Variants in ADGRB3 observed in about 807,000 individuals in gnomAD.
ADGRB3 encodes the protein adhesion G protein-coupled receptor B3, also known as brain-specific angiogenesis inhibitor 3.
ADGRB3 carries 37 observed loss-of-function variants against 193.4 expected under a neutral mutation model. The observed-to-expected ratio is 0.19, with a 90% CI of 0.15 to 0.25. The LOEUF (loss-of-function observed/expected upper bound fraction) is 0.25, where lower values mean the gene tolerates loss of function less well. Ranked by LOEUF, ADGRB3 falls within the 10% of genes least tolerant of loss-of-function variation. The pLI is 1.00. For missense variants in ADGRB3, 1,637 were observed against 1,852.9 expected (o/e 0.88, Z 2.14); for synonymous variants, 690 against 644.2 (o/e 1.07, Z -1.08).
At chr6:68,876,033 T>C (rs1279828367) in intron 3 of ADGRB3, among the ~76,000 whole-genome samples, 1 of 152,022 alleles carries the variant, frequency 6.6e-6, no homozygotes, top group Non-Finnish European at 1.5e-5. Context: ...ATTTTTATTA[T>C]AAAACATTTA....
intron 3 of ADGRB3, among the ~76,000 whole-genome samples, chr6:68,799,869 G>A (rs930906619): frequency 1.3e-5 from 2 of 152,218 alleles, no homozygotes; most frequent in Non-Finnish European, 2.9e-5. Context: ...AAGGGCCAAA[G>A]TGTGAAAATA....
chr6:69,089,820 A>G (rs984779246), intron 17 of ADGRB3, among the ~76,000 whole-genome samples: 1 of 152,158 alleles, frequency 6.6e-6, no homozygotes, highest in Admixed American at 6.6e-5. Context: ...CACCCACTGG[A>G]TGCCAGTAAC....
chr6:69,057,624 A>ATAAAATGGTTC (rs1195867666), intron 15 of ADGRB3, among the ~76,000 whole-genome samples: 70 of 152,090 alleles, frequency 4.6e-4, no homozygotes, highest in African/African-American at 1.7e-3. Context: ...CTGGTTCATT[A>ATAAAATGGTTC]AGCGATTTTA....
chr6:69,333,785 C>T (rs1768777618), intron 24 of ADGRB3, among the ~76,000 whole-genome samples: 1 of 150,714 alleles, frequency 6.6e-6, no homozygotes, highest in African/African-American at 2.4e-5. Context: ...AAAAAATTAG[C>T]CGGGCGAGGT....
chr6:69,315,641 C>A (rs1467434539), intron 20 of ADGRB3, among the ~76,000 whole-genome samples: 9 of 151,350 alleles, frequency 5.9e-5, no homozygotes, highest in Admixed American at 5.9e-4. Flanking sequence ...ACCAAAATTT[C>A]TTTCCATAGC....
chr6:68,967,240 T>G (rs1387109003), intron 8 of ADGRB3, among the ~76,000 whole-genome samples: 4 of 152,332 alleles, frequency 2.6e-5, no homozygotes, highest in Admixed American at 6.5e-5. Flanking sequence ...ATCTCTAGGT[T>G]TAAAAAATTA....
chr6:68,810,092 A>G (rs1038687275), intron 3 of ADGRB3, among the ~76,000 whole-genome samples: 14 of 151,986 alleles, frequency 9.2e-5, no homozygotes, highest in African/African-American at 3.4e-4. Context: ...CACTGATTTC[A>G]TTTTCTTACT....
At chr6:68,943,094 A>G (rs950212131) in intron 5 of ADGRB3, among the ~76,000 whole-genome samples, 4 of 152,178 alleles carry the variant, frequency 2.6e-5, no homozygotes, top group African/African-American at 9.7e-5. Context: ...ATTTATATAA[A>G]TTAGTTAAAT....
chr6:68,825,139 G>C (rs1767818937), intron 3 of ADGRB3, among the ~76,000 whole-genome samples: 1 of 152,056 alleles, frequency 6.6e-6, no homozygotes, highest in Non-Finnish European at 1.5e-5. Flanking sequence ...TTACAGACTT[G>C]AGCCACTGTG....
intron 3 of ADGRB3, among the ~76,000 whole-genome samples, chr6:68,710,908 C>A (rs1408350112): frequency 6.6e-6 from 1 of 152,060 alleles, no homozygotes; most frequent in Non-Finnish European, 1.5e-5. Flanking sequence ...CTTTCTGGGA[C>A]CCCTTTTATT....
At chr6:69,004,148 A>G (rs1180773314) in intron 11 of ADGRB3, among the ~76,000 whole-genome samples, 1 of 152,126 alleles carries the variant, frequency 6.6e-6, no homozygotes, top group Non-Finnish European at 1.5e-5. Context: ...AAAAGTTTTT[A>G]TTGAAGAATG....
At chr6:68,876,734 G>T (rs190995560) in intron 3 of ADGRB3, among the ~76,000 whole-genome samples, 3 of 152,218 alleles carry the variant, frequency 2.0e-5, no homozygotes, top group Non-Finnish European at 4.4e-5. Context: ...TTACATTTAT[G>T]TATTGTCTTT....
chr6:68,923,969 TTATAG>T (rs1281834316), intron 3 of ADGRB3, among the ~76,000 whole-genome samples: 2 of 152,090 alleles, frequency 1.3e-5, no homozygotes, highest in Non-Finnish European at 2.9e-5. Context: ...GTGTTAACAA[TTATAG>T]TAAATCATCT....
At chr6:69,064,647 T>A (rs982004104) in intron 16 of ADGRB3, among the ~76,000 whole-genome samples, 28 of 151,926 alleles carry the variant, frequency 1.8e-4, no homozygotes, top group African/African-American at 6.5e-4. Context: ...TAGTAAGAGA[T>A]TAATTCTCTG....
intron 3 of ADGRB3, among the ~76,000 whole-genome samples, chr6:68,881,094 G>A (rs1765717702): frequency 6.6e-6 from 1 of 151,948 alleles, no homozygotes; most frequent in African/African-American, 2.4e-5. Context: ...TAATAGGATG[G>A]TTATATTGCC....
intron 17 of ADGRB3, among the ~76,000 whole-genome samples, chr6:69,153,959 C>G (rs1438218808): frequency 6.6e-6 from 1 of 152,006 alleles, no homozygotes; most frequent in African/African-American, 2.4e-5. Context: ...CACCACTGCA[C>G]TCCAGCCAGG....
chr6:69,387,084 T>A (rs1330886631), intron 31 of ADGRB3, among the ~76,000 whole-genome samples: 1 of 152,078 alleles, frequency 6.6e-6, no homozygotes, highest in East Asian at 1.9e-4. Flanking sequence ...ATAAAGCATA[T>A]CGCTGTTTTG....
chr6:69,057,381 T>C (rs1771574839), intron 15 of ADGRB3, among the ~76,000 whole-genome samples: 1 of 152,088 alleles, frequency 6.6e-6, no homozygotes. Context: ...CCTTTCCCAT[T>C]TGGATGCCTT....
At position 69,043,308 on chromosome 6, in the gene ADGRB3, G is replaced by GAAAGAAAGAAAGAAAGAA. The variant is rs1372666613; in HGVS notation, c.2108-4875_2108-4858dup. On this transcript the variant is annotated intron_variant, in intron 13 of 31. Coordinates refer to ENST00000370598, the MANE Select transcript of ADGRB3 (RefSeq NM_001704.3). Reference sequence around the variant, plus strand: ...AGAAAGAGAGAAAGAAAGAAAGAAAGAAAGAAAGAAAGAAAGAAAGAAAGA... The same window carrying GAAAGAAAGAAAGAAAGAA: ...AGAAAGAGAGAAAGAAAGAAAGAAAGAAAGAAAGAAAGAAAGAAAAAGAAAGAAAGAAAGAAAGAAAGA... Among the ~76,000 whole-genome samples, 13 of 149,168 alleles carry GAAAGAAAGAAAGAAAGAA rather than the reference G, an allele frequency of 8.7e-5. 1 individual carries two copies. The South Asian group carries it at 2.1e-3, about 24-fold the overall frequency.
Sources: allele counts gnomAD v4.1 joint callset (sites outside exome capture counted in the v4.1 genomes callset), GRCh38; gene constraint gnomAD v4.1.1; transcripts MANE v1.5; gene names NCBI Gene and HGNC (gene_info 2026-07-23, HGNC 2026-07-21).